Variants in NXPE4 observed in about 807,000 individuals in gnomAD.
NXPE4 encodes the protein neurexophilin and PC-esterase domain family member 4.
NXPE4 carries 42 observed loss-of-function variants against 33.3 expected under a neutral mutation model. That is an observed-to-expected ratio of 1.26 (90% CI 0.98 to 1.63). The LOEUF is 1.63. NXPE4 is among the 40% of genes most tolerant of loss of function. The pLI is 0.00. For synonymous variants in NXPE4, 253 were observed against 234.9 expected (o/e 1.08, Z -0.71); for missense variants, 709 against 647.6 (o/e 1.09, Z -1.03).
At chr11:114,583,450 G>A (rs1156234594) in intron 2 of NXPE4, 10 of 667,232 alleles carry the variant, frequency 1.5e-5, no homozygotes, top group African/African-American at 1.4e-4. Flanking sequence ...AGATGACCAA[G>A]TACCACAGTG....
the NXPE4 span, among the ~76,000 whole-genome samples, chr11:114,603,204 G>A: frequency 6.6e-6 from 1 of 151,868 alleles, no homozygotes; most frequent in Admixed American, 6.6e-5. Flanking sequence ...TCGTCTCCTA[G>A]GTAACTCCTA....
chr11:114,576,672 T>C (rs1342734739), intron 5 of NXPE4, among the ~76,000 whole-genome samples: 2 of 151,754 alleles, frequency 1.3e-5, no homozygotes, highest in African/African-American at 2.4e-5. Flanking sequence ...AGAAAGGCCA[T>C]ATTCAAAAAA....
the NXPE4 span, among the ~76,000 whole-genome samples, chr11:114,617,540 A>G: frequency 3.3e-5 from 5 of 152,134 alleles, no homozygotes; most frequent in Non-Finnish European, 7.4e-5. Flanking sequence ...GTGGCTAACC[A>G]CTGTTACCCA....
the NXPE4 span, among the ~76,000 whole-genome samples, chr11:114,612,399 CCACTGTTACCCGGTGGATAATA>C: frequency 1.3e-5 from 2 of 151,892 alleles, no homozygotes; most frequent in Non-Finnish European, 2.9e-5. Flanking sequence ...TCATGTCTAA[CCACTGTTACCCGGTGGATAATA>C]AGTGTTGCCT....
At chr11:114,636,674 A>G in the NXPE4 span, among the ~76,000 whole-genome samples, 2 of 151,848 alleles carry the variant, frequency 1.3e-5, no homozygotes, top group South Asian at 2.1e-4. Context: ...CTTTGTTCTC[A>G]TTGATTTCAA....
chr11:114,658,664 T>G, the NXPE4 span, among the ~76,000 whole-genome samples: 3 of 152,058 alleles, frequency 2.0e-5, no homozygotes, highest in Non-Finnish European at 2.9e-5. Context: ...AATAATAAGC[T>G]GTGAACTTCT....
chr11:114,672,381 T>A, the NXPE4 span, among the ~76,000 whole-genome samples: 7 of 146,960 alleles, frequency 4.8e-5, no homozygotes, highest in Admixed American at 1.4e-4. Flanking sequence ...TAGAAAATAT[T>A]CATTTAATGC....
chr11:114,647,875 T>C, the NXPE4 span, among the ~76,000 whole-genome samples: 1 of 152,084 alleles, frequency 6.6e-6, no homozygotes, highest in African/African-American at 2.4e-5. Flanking sequence ...CTAAGTTTTG[T>C]AATTTTAGTA....
intron 5 of NXPE4, among the ~76,000 whole-genome samples, chr11:114,577,023 A>G (rs1949013721): frequency 7.2e-5 from 2 of 27,618 alleles, no homozygotes; most frequent in Non-Finnish European, 6.3e-5. Context: ...ATATATATAT[A>G]TATACATATA....
chr11:114,655,593 A>G, the NXPE4 span, among the ~76,000 whole-genome samples: 1 of 152,138 alleles, frequency 6.6e-6, no homozygotes, highest in Non-Finnish European at 1.5e-5. Flanking sequence ...TCCTTTCCCC[A>G]TTGCTTGTTT....
At chr11:114,609,504 GATA>G in the NXPE4 span, among the ~76,000 whole-genome samples, 1 of 151,806 alleles carries the variant, frequency 6.6e-6, no homozygotes, top group African/African-American at 2.4e-5. Context: ...TTACCTGGTG[GATA>G]ATAAGTACTG....
At chr11:114,603,808 T>A in the NXPE4 span, among the ~76,000 whole-genome samples, 3 of 151,876 alleles carry the variant, frequency 2.0e-5, no homozygotes, top group Non-Finnish European at 4.4e-5. Context: ...TATTGCCTCG[T>A]CTCCTAGGTA....
At chr11:114,633,029 A>G in the NXPE4 span, among the ~76,000 whole-genome samples, 18,375 of 108,966 alleles carry the variant, frequency 0.17, 1,986 homozygotes, top group Non-Finnish European at 0.22. Flanking sequence ...ATATAATGTA[A>G]TATTTTATTA....
At chr11:114,601,970 T>C in the NXPE4 span, among the ~76,000 whole-genome samples, 1 of 86,650 alleles carries the variant, frequency 1.2e-5, no homozygotes, top group Non-Finnish European at 2.0e-5. Flanking sequence ...ATATATTATA[T>C]ATTCTGTTAT....
At chr11:114,590,168 G>T (rs1337180365) in intron 2 of NXPE4, among the ~76,000 whole-genome samples, 1 of 152,138 alleles carries the variant, frequency 6.6e-6, no homozygotes, top group Non-Finnish European at 1.5e-5. Context: ...CTCAGGTCAG[G>T]GTCTTGCAAT....
chr11:114,571,137 T>G lies in NXPE4; in HGVS notation c.1436A>C (p.Glu479Ala). ...AAATCTTTCTGCATCATTGTACATCTCCCTGATGTTTTCTGTTTTGATGAT... is the reference window on the plus strand; with the variant it reads ...AAATCTTTCTGCATCATTGTACATCGCCCTGATGTTTTCTGTTTTGATGAT... ...MVIIKTENIR[E>A]MYNDAERFSD... Residue 479 changes from glutamate to alanine, a missense_variant, in exon 6 of 6, where the codon GAG becomes GCG. Coordinates refer to ENST00000375478, the MANE Select transcript of NXPE4 (RefSeq NM_001077639.2). The G allele has an allele frequency of 6.2e-7, 1 of 1,613,802 alleles. No individual in the cohort carries two copies. The highest frequency in any genetic ancestry group is 8.5e-7 in the Non-Finnish European group (1 of 1,179,742).
At position 114,571,244 on chromosome 11, in the gene NXPE4, G is replaced by A. The variant is rs1430211664; in HGVS notation, c.1329C>T (p.Pro443=). The change falls in exon 6 of 6, where the codon CCC becomes CCT. Residue 443 remains proline, a synonymous_variant. Coordinates refer to ENST00000375478, the MANE Select transcript of NXPE4 (RefSeq NM_001077639.2). Reference sequence around the variant, plus strand: ...GGGCCCTTCGGATAAAAACATCAATGGGAAAGGGTCTGAAATGCTGGCCCA... The same window carrying A: ...GGGCCCTTCGGATAAAAACATCAATAGGAAAGGGTCTGAAATGCTGGCCCA... ...ISLGQHFRPF[P]IDVFIRRALN... The A allele has an allele frequency of 6.2e-7, 1 of 1,613,984 alleles. No individual in the cohort carries two copies. The highest frequency in any genetic ancestry group is 8.5e-7 in the Non-Finnish European group (1 of 1,179,946).
chr11:114,663,126 C>T, the NXPE4 span, among the ~76,000 whole-genome samples: 1 of 152,102 alleles, frequency 6.6e-6, no homozygotes, highest in East Asian at 1.9e-4. Flanking sequence ...ACTGAAGAGC[C>T]CTTGGGCCTT....
chr11:114,629,551 C>T, the NXPE4 span, among the ~76,000 whole-genome samples: 1 of 151,478 alleles, frequency 6.6e-6, no homozygotes, highest in Non-Finnish European at 1.5e-5. Context: ...ATGACAAACC[C>T]ACAGCCAATA....
Sources: allele counts gnomAD v4.1 joint callset (sites outside exome capture counted in the v4.1 genomes callset), GRCh38; gene constraint gnomAD v4.1.1; transcripts MANE v1.5; gene names NCBI Gene and HGNC (gene_info 2026-07-23, HGNC 2026-07-21).